The following ARHGAP32 variants were observed in gnomAD, a reference collection of about 807,000 sequenced individuals.
The protein encoded by ARHGAP32 is rho GTPase-activating protein 32.
Under a neutral mutation model 186.5 loss-of-function variants are expected in ARHGAP32, and 51 were observed. That is an observed-to-expected ratio of 0.27 (90% CI 0.22 to 0.35). The LOEUF (loss-of-function observed/expected upper bound fraction) is 0.35. Ranked by LOEUF, ARHGAP32 falls within the 10% of genes least tolerant of loss-of-function variation. The pLI is 1.00. For synonymous variants in ARHGAP32, 950 were observed against 964.3 expected, an observed-to-expected ratio of 0.99 and a Z score of 0.27; for missense variants, 2,186 against 2,623.5, an observed-to-expected ratio of 0.83 and a Z score of 3.64.
At chr11:129,070,126 T>C (rs1940824280) in intron 6 of ARHGAP32, among the ~76,000 whole-genome samples, 1 of 152,066 alleles carries the variant, frequency 6.6e-6, no homozygotes, top group South Asian at 2.1e-4. Context: ...TCTGAATTTA[T>C]ACTACCCTAG....
In ARHGAP32 at chr11:129,200,701, A is replaced by G. The variant is rs1173601775; in HGVS notation, c.-4-36274T>C. On this transcript the variant is annotated intron_variant, in intron 1 of 6. Transcript: ENST00000525234. ...GAGTCTCAGTTTCGTAATCTCTAAA[A>G]TAGAAAAAATAATACCTTTATGATG... Among the ~76,000 whole-genome samples, 3 of 152,218 alleles carry G rather than the reference A, an allele frequency of 2.0e-5. No individual in the cohort carries two copies. In the South Asian group the frequency reaches 6.2e-4, roughly 31 times the overall value.
chr11:129,225,886 T>A (rs544793538), intron 1 of ARHGAP32, among the ~76,000 whole-genome samples: 1 of 152,134 alleles, frequency 6.6e-6, no homozygotes, highest in South Asian at 2.1e-4. Context: ...ATGAGAATGA[T>A]GCTTCACCAA....
At chr11:129,193,703 ATATATAT>A (rs60437245), upstream of ARHGAP32, among the ~76,000 whole-genome samples, 408 of 48,358 alleles carry the variant, frequency 8.4e-3, 5 homozygotes, top group Middle Eastern at 0.031. Flanking sequence ...ATAATATATA[ATATATAT>A]TATATATTAT....
chr11:129,197,449 A>G (rs2135569736), intron 1 of ARHGAP32, among the ~76,000 whole-genome samples: 1 of 152,320 alleles, frequency 6.6e-6, no homozygotes, highest in South Asian at 2.1e-4. Context: ...TGTTCAATAC[A>G]GTGCATGGCA....
Position 128,981,575 on chromosome 11 carries a change from A to G in ARHGAP32, c.1635-14T>C, listed in dbSNP as rs371688303. 1.1e-5 allele frequency: 17 copies of G among 1,602,562 alleles called. No homozygotes were observed. Among genetic ancestry groups the G allele is most frequent in the Middle Eastern group, 1.7e-4 (1 of 6,034 alleles). On this transcript the variant is annotated splice_polypyrimidine_tract_variant and intron_variant, in intron 16 of 22. Transcript: ENST00000682385. Reference sequence around the variant, plus strand: ...ATCTGTTTTGATCTGTGAGGTAAACATTTTCATCACAGAGTTGTAAAGATA... The same window carrying G: ...ATCTGTTTTGATCTGTGAGGTAAACGTTTTCATCACAGAGTTGTAAAGATA...
chr11:129,202,320 T>C (rs1196898935), intron 1 of ARHGAP32, among the ~76,000 whole-genome samples: 1 of 152,108 alleles, frequency 6.6e-6, no homozygotes, highest in Non-Finnish European at 1.5e-5. Flanking sequence ...TTCTCTTGAG[T>C]AGGTGGATGC....
intron 15 of ARHGAP32, among the ~76,000 whole-genome samples, chr11:128,982,474 C>CGTGT (rs60379183): frequency 0.3 from 43,663 of 147,264 alleles, 7,259 homozygotes; most frequent in Non-Finnish European, 0.38. Context: ...AGGTAAGTGC[C>CGTGT]GTGTGTGTGT....
intron 1 of ARHGAP32, among the ~76,000 whole-genome samples, chr11:129,257,026 A>C (rs539861641): frequency 4.6e-5 from 7 of 152,310 alleles, no homozygotes; most frequent in Middle Eastern, 3.4e-3. Context: ...ATTTCTGCAT[A>C]CATCTCACTG....
At chr11:129,223,608 G>A (rs1169860010) in intron 1 of ARHGAP32, among the ~76,000 whole-genome samples, 5 of 152,062 alleles carry the variant, frequency 3.3e-5, no homozygotes. Flanking sequence ...GAATACAGAT[G>A]TTTTCACTAA....
chr11:128,978,004 A>G (rs1945598644), intron 19 of ARHGAP32, among the ~76,000 whole-genome samples: 1 of 151,920 alleles, frequency 6.6e-6, no homozygotes, highest in Non-Finnish European at 1.5e-5. Context: ...GGTGTAAGCC[A>G]CTGTACCTAG....
rs1013890930 is a variant in ARHGAP32 at position 129,081,539 on chromosome 11, A to G, written c.531+12082T>C. The stretch of plus-strand genomic sequence containing the variant: ...TCATCTCAATAGACACAGCAAAAAC[A>G]TTTGACAAAATCCAGCATTGCTTTA... On this transcript the variant is annotated intron_variant, in intron 6 of 22. Transcript: ENST00000682385. 2.0e-5 allele frequency among the ~76,000 whole-genome samples: 3 copies of G among 152,116 alleles called. No individual in the cohort carries two copies. In the East Asian group the frequency reaches 5.8e-4, roughly 29 times the overall value.
chr11:129,168,883 A>C (rs1943694110), intron 1 of ARHGAP32, among the ~76,000 whole-genome samples: 1 of 152,180 alleles, frequency 6.6e-6, no homozygotes, highest in Non-Finnish European at 1.5e-5. Flanking sequence ...AAATGTTTGG[A>C]AATAAAGAAA....
Position 128,972,532 on chromosome 11 carries a change from GA to G in ARHGAP32, c.3973del (p.Ser1325ProfsTer20). 1 of 1,559,380 alleles carries G rather than the reference GA, an allele frequency of 6.4e-7. No homozygotes were observed. Among genetic ancestry groups the G allele is most frequent in the Non-Finnish European group, 8.7e-7 (1 of 1,150,866 alleles). ...RTNRPLPPPP[S>X]QRSAEQPPVV... is the part of the protein sequence containing the mutation. Reference sequence around the variant, plus strand: ...TGGTGGCTGCTCTGCAGATCTCTGGGAAGGCGGAGGGGGAAGGGGACGATTA... The same window carrying G: ...TGGTGGCTGCTCTGCAGATCTCTGGGAGGCGGAGGGGGAAGGGGACGATTA... On this transcript the variant is annotated frameshift_variant, in exon 22 of 23. Transcript: ENST00000682385. LOFTEE classifies it high-confidence loss of function.
chr11:129,262,237 T>C (rs1317497475), intron 1 of ARHGAP32, among the ~76,000 whole-genome samples: 1 of 152,146 alleles, frequency 6.6e-6, no homozygotes, highest in Non-Finnish European at 1.5e-5. Context: ...TTTTTTTAAT[T>C]CCTAACAATA....
chr11:129,237,992 T>C (rs961268820), intron 1 of ARHGAP32, among the ~76,000 whole-genome samples: 2 of 152,058 alleles, frequency 1.3e-5, no homozygotes, highest in African/African-American at 4.8e-5. Flanking sequence ...AAGACGCATT[T>C]TGATGGTAGG....
intron 10 of ARHGAP32, among the ~76,000 whole-genome samples, chr11:129,055,838 G>A (rs1940230488): frequency 6.6e-6 from 1 of 152,164 alleles, no homozygotes; most frequent in Admixed American, 6.5e-5. Flanking sequence ...AAACTATAAT[G>A]GTGGATACAT....
chr11:129,047,869 T>C (rs1029022003), intron 10 of ARHGAP32, among the ~76,000 whole-genome samples: 10 of 152,278 alleles, frequency 6.6e-5, no homozygotes, highest in African/African-American at 2.4e-4. Context: ...AAATCTTCAA[T>C]GATCTCCATT....
chr11:129,208,357 C>T (rs981494330), intron 1 of ARHGAP32, among the ~76,000 whole-genome samples: 1 of 152,152 alleles, frequency 6.6e-6, no homozygotes, highest in African/African-American at 2.4e-5. Flanking sequence ...GAGAAACAGA[C>T]ATTAATAAAC....
At chr11:129,198,356 G>T (rs190960896) in intron 1 of ARHGAP32, among the ~76,000 whole-genome samples, 32 of 152,298 alleles carry the variant, frequency 2.1e-4, no homozygotes, top group African/African-American at 7.0e-4. Context: ...TGTGGTCTTA[G>T]ACAAGTGATA....
Sources: gnomAD v4.1 joint callset for allele counts (sites outside exome capture counted in the v4.1 genomes callset) on GRCh38, gnomAD v4.1.1 for gene constraint, MANE v1.5 for transcripts, NCBI Gene and HGNC (gene_info 2026-07-23, HGNC 2026-07-21) for gene names.